SLC9A4: variants seen among roughly 807,000 people sequenced by gnomAD.
SLC9A4 encodes sodium/hydrogen exchanger 4.
A neutral mutation model predicts 67.4 loss-of-function variants in SLC9A4; 63 were observed. The observed-to-expected ratio is 0.93, with a 90% confidence interval of 0.76 to 1.15. The LOEUF (loss-of-function observed/expected upper bound fraction) is 1.15, where lower values mean the gene tolerates loss of function less well. Ranked by LOEUF, SLC9A4 falls within the 50% of genes most tolerant of loss-of-function variation. The pLI is 0.00. For synonymous variants in SLC9A4, 393 were observed against 367.2 expected, an observed-to-expected ratio of 1.07 and a Z score of -0.80; for missense variants, 1,089 against 987.7, an observed-to-expected ratio of 1.10 and a Z score of -1.38.
At chr2:102,505,556 A>T in intron 4 of SLC9A4, 85 bp downstream of exon 4, 1 of 1,349,454 alleles carries the variant, frequency 7.4e-7, no homozygotes, top group Non-Finnish European at 1.0e-6. Flanking sequence ...AAACTGGAGG[A>T]CTGAGTAGAT....
At chr2:102,510,278 T>TACAGATACAGATACAGATAC (rs60613081) in intron 6 of SLC9A4, among the ~76,000 whole-genome samples, 79 of 55,012 alleles carry the variant, frequency 1.4e-3, no homozygotes, top group African/African-American at 1.5e-3. Context: ...GATACAGATA[T>TACAGATACAGATACAGATAC]AGATATAGAT....
rs1337646975 is a variant in SLC9A4 at position 102,519,928 on chromosome 2, A to G, written c.1791A>G (p.Thr597=). The G allele has an allele frequency of 3.1e-6, 5 of 1,613,630 alleles. No homozygotes were observed. The African/African-American group carries it at 6.7e-5, about 22-fold the overall frequency. Reference sequence around the variant, plus strand: ...TGGAGTCCATAAGGGACATTCTGACATCCAACATGTACCAAGTTCGGCAAA... The same window carrying G: ...TGGAGTCCATAAGGGACATTCTGACGTCCAACATGTACCAAGTTCGGCAAA... ...EDVESIRDIL[T]SNMYQVRQRT... is the part of the protein sequence containing the mutation. Residue 597 remains threonine, a synonymous_variant, in exon 9 of 12, where the codon ACA becomes ACG. Transcript: ENST00000295269.
chr2:102,505,107 G>A (rs1248258321), intron 3 of SLC9A4, 147 bp from the exon 4 acceptor site: 1 of 719,670 alleles, frequency 1.4e-6, no homozygotes, highest in Non-Finnish European at 2.3e-6. Flanking sequence ...GAAAATCTGC[G>A]GAAAATCTGC....
At position 102,503,482 on chromosome 2, in the gene SLC9A4, T is replaced by C. The variant is rs754807456; in HGVS notation, c.755T>C (p.Met252Thr). The part of the protein sequence containing the change: ...LYNMLIAFTK[M>T]HKFEDIETVD... ...AATATGTTAATTGCCTTTACAAAGA[T>C]GCATAAATTTGAAGACATAGAAACT... Residue 252 changes from methionine to threonine, a missense_variant, in exon 3 of 12, where the codon ATG becomes ACG. Transcript: ENST00000295269. 3.7e-6 allele frequency: 6 copies of C among 1,613,142 alleles called. No homozygotes were observed. In the South Asian group the frequency reaches 4.4e-5, roughly 12 times the overall value.
At position 102,501,513 on chromosome 2, in the gene SLC9A4, G is replaced by A. The variant is rs183919462; in HGVS notation, c.721-1935G>A. Among the ~76,000 whole-genome samples, 347 of 152,110 alleles carry A rather than the reference G, an allele frequency of 2.3e-3. 2 individuals carry two copies. Among genetic ancestry groups the A allele is most frequent in the African/African-American group, 8.0e-3 (334 of 41,520 alleles). On this transcript the variant is annotated intron_variant, in intron 2 of 11. Transcript: ENST00000295269. ...ACCCACCTCGGCCTCCCAAAGTGCT[G>A]GGATTACAGGCATGAGCCACCACGC...
chr2:102,495,286 C>A (rs1317409783), intron 2 of SLC9A4, among the ~76,000 whole-genome samples: 1 of 151,830 alleles, frequency 6.6e-6, no homozygotes, highest in Non-Finnish European at 1.5e-5. Flanking sequence ...AAAGTACTCC[C>A]AAAACAGAAA....
Position 102,479,213 on chromosome 2 carries a change from G to A in SLC9A4, c.631G>A (p.Val211Met), listed in dbSNP as rs1684404272. The A allele has an allele frequency of 1.9e-6, 3 of 1,614,042 alleles. No individual in the cohort carries two copies. Among genetic ancestry groups the A allele is most frequent in the East Asian group, 2.2e-5 (1 of 44,890 alleles). Residue 211 changes from valine to methionine, a missense_variant, in exon 2 of 12, where the codon GTG (valine) becomes ATG (methionine). Physicochemically the swap from Val to Met is conservative, Grantham distance 21 (BLOSUM62 1). Transcript: ENST00000295269. ...GATCTCCGCCGTGGACCCAGTGGCCGTGCTAGCCGTGTTTGAGGAAGCGCG... is the reference window on the plus strand; with the variant it reads ...GATCTCCGCCGTGGACCCAGTGGCCATGCTAGCCGTGTTTGAGGAAGCGCG... ...SLISAVDPVA[V>M]LAVFEEARVN...
chr2:102,518,831 C>T (rs942866253), intron 8 of SLC9A4, among the ~76,000 whole-genome samples: 1 of 152,026 alleles, frequency 6.6e-6, no homozygotes, highest in African/African-American at 2.4e-5. Flanking sequence ...TGCCCTTATG[C>T]GTTCAAAATT....
intron 2 of SLC9A4, among the ~76,000 whole-genome samples, chr2:102,499,908 A>C (rs951019650): frequency 3.3e-5 from 5 of 152,202 alleles, no homozygotes; most frequent in African/African-American, 1.2e-4. Flanking sequence ...ATTCAAAATA[A>C]AATTATTTGT....
chr2:102,500,666 G>A (rs1684911549), intron 2 of SLC9A4, among the ~76,000 whole-genome samples: 1 of 152,174 alleles, frequency 6.6e-6, no homozygotes, highest in Admixed American at 6.5e-5. Flanking sequence ...TCTGTATGAT[G>A]TTTGATATCT....
At chr2:102,483,837 T>TACACACAC (rs1361861820) in intron 2 of SLC9A4, among the ~76,000 whole-genome samples, 8 of 121,798 alleles carry the variant, frequency 6.6e-5, no homozygotes, top group African/African-American at 2.8e-4. Flanking sequence ...TATATATATA[T>TACACACAC]ATATACACAC....
At position 102,488,286 on chromosome 2, in the gene SLC9A4, G is replaced by A. The variant is rs536897896; in HGVS notation, c.720+8984G>A. Among the ~76,000 whole-genome samples, 9 of 152,146 alleles carry A rather than the reference G, an allele frequency of 5.9e-5. No individual in the cohort carries two copies. In the South Asian group the frequency reaches 1.7e-3, roughly 28 times the overall value. On this transcript the variant is annotated intron_variant, in intron 2 of 11. Transcript: ENST00000295269. The stretch of plus-strand genomic sequence containing the variant: ...ACGTGAAAAACCCCATGAGTTGGCT[G>A]TTTGGGAGGTGCTGGCTGACAAATA...
intron 2 of SLC9A4, among the ~76,000 whole-genome samples, chr2:102,503,086 AG>A: frequency 6.6e-6 from 1 of 152,308 alleles, no homozygotes; most frequent in African/African-American, 2.4e-5. Flanking sequence ...GAGCTTAACT[AG>A]GTGCTCACTT....
intron 9 of SLC9A4, 116 bp from the exon 10 acceptor site, chr2:102,524,908 C>A (rs574054944): frequency 2.4e-6 from 3 of 1,238,386 alleles, no homozygotes; most frequent in South Asian, 1.4e-5. Context: ...GCTTAGCTGA[C>A]CTCCAAGGTG....
intron 9 of SLC9A4, among the ~76,000 whole-genome samples, chr2:102,520,454 C>A (rs1685381083): frequency 6.6e-6 from 1 of 152,192 alleles, no homozygotes; most frequent in South Asian, 2.1e-4. Context: ...TATGAAATCT[C>A]TACTAGTCCT....
intron 11 of SLC9A4, among the ~76,000 whole-genome samples, chr2:102,531,995 A>T (rs1674786859): frequency 6.6e-6 from 1 of 152,220 alleles, no homozygotes; most frequent in African/African-American, 2.4e-5. Flanking sequence ...TTTGGACAAG[A>T]CCAAGCATCT....
chr2:102,505,077 G>A (rs7605606), intron 3 of SLC9A4, among the ~76,000 whole-genome samples, 177 bp from the exon 4 acceptor site: 82,921 of 134,382 alleles, frequency 0.62, 23,167 homozygotes, highest in Middle Eastern at 0.74. Context: ...GATCTCTTAG[G>A]GAGGGAAAAG....
intron 2 of SLC9A4, among the ~76,000 whole-genome samples, chr2:102,499,734 C>G (rs1684884174): frequency 6.6e-6 from 1 of 152,208 alleles, no homozygotes; most frequent in African/African-American, 2.4e-5. Flanking sequence ...CTATTATAAC[C>G]TTCTGCCCAC....
At chr2:102,504,989 T>G (rs1206835936) in intron 3 of SLC9A4, among the ~76,000 whole-genome samples, 1 of 152,250 alleles carries the variant, frequency 6.6e-6, no homozygotes. Flanking sequence ...GCATTGGGTG[T>G]GCCCATGCGA....
Sources: allele counts gnomAD v4.1 joint callset (sites outside exome capture counted in the v4.1 genomes callset), GRCh38; gene constraint gnomAD v4.1.1; transcripts MANE v1.5; gene names NCBI Gene and HGNC (gene_info 2026-07-23, HGNC 2026-07-21).